FAF1: variants seen among roughly 807,000 people sequenced by gnomAD.
The protein encoded by FAF1 is Fas associated factor 1.
In FAF1, 25 loss-of-function variants were observed where a neutral mutation model predicts 92.5. The observed-to-expected ratio is 0.27, with a 90% CI of 0.20 to 0.38. The LOEUF is 0.38. Among genes scored for constraint, FAF1 ranks in the 10% least tolerant of loss-of-function variants. The pLI is 1.00. For missense variants in FAF1, 636 were observed against 793.3 expected, an observed-to-expected ratio of 0.80 and a Z score of 2.38; for synonymous variants, 234 against 273.2, an observed-to-expected ratio of 0.86 and a Z score of 1.42.
intron 4 of FAF1, among the ~76,000 whole-genome samples, chr1:50,781,683 A>G (rs1254398081): frequency 6.6e-6 from 1 of 152,258 alleles, no homozygotes; most frequent in Non-Finnish European, 1.5e-5. Flanking sequence ...CTGAACATCC[A>G]TTCTATCACA....
intron 1 of FAF1, among the ~76,000 whole-genome samples, chr1:50,907,049 G>A (rs189644887): frequency 7.5e-4 from 114 of 152,212 alleles, no homozygotes; most frequent in Non-Finnish European, 1.1e-3. Context: ...CTTGAGATAC[G>A]TCCCATCAAC....
At chr1:50,888,473 T>A (rs1304314079) in intron 1 of FAF1, among the ~76,000 whole-genome samples, 5 of 152,188 alleles carry the variant, frequency 3.3e-5, no homozygotes, top group African/African-American at 7.2e-5. Context: ...AGGGAATGCT[T>A]CCAGTTTTTG....
In FAF1 at chr1:50,909,749, C is replaced by T. The variant is rs373280665; in HGVS notation, c.45+50018G>A. ...ATCAGGTCATTTAAGGTCTTCTCTA[C>T]GCTGTTTATTCTGGTTAGCCATTCG... On this transcript the variant is annotated intron_variant, in intron 1 of 18. Coordinates refer to ENST00000396153, the MANE Select transcript of FAF1 (RefSeq NM_007051.3). 1.5e-3 allele frequency among the ~76,000 whole-genome samples: 234 copies of T among 152,274 alleles called. 3 individuals are homozygous for T. The highest frequency in any genetic ancestry group is 5.5e-3 in the African/African-American group (227 of 41,558).
At chr1:50,638,262 A>G (rs1351225797) in intron 8 of FAF1, among the ~76,000 whole-genome samples, 1 of 152,084 alleles carries the variant, frequency 6.6e-6, no homozygotes, top group Non-Finnish European at 1.5e-5. Flanking sequence ...AAACAAAAAA[A>G]GTTTTATTTC....
intron 8 of FAF1, among the ~76,000 whole-genome samples, chr1:50,620,120 G>C (rs1342285591): frequency 6.6e-6 from 1 of 152,226 alleles, no homozygotes; most frequent in Non-Finnish European, 1.5e-5. Flanking sequence ...TGTTGGCCAG[G>C]TTGGTCTCGA....
chr1:50,870,714 T>C (rs1055613771), intron 1 of FAF1, among the ~76,000 whole-genome samples: 1 of 152,218 alleles, frequency 6.6e-6, no homozygotes, highest in Non-Finnish European at 1.5e-5. Flanking sequence ...ATAAATGTTG[T>C]ATGTGTCCTC....
At chr1:50,755,021 C>G (rs1207827468) in intron 4 of FAF1, among the ~76,000 whole-genome samples, 1 of 152,136 alleles carries the variant, frequency 6.6e-6, no homozygotes, top group African/African-American at 2.4e-5. Flanking sequence ...GGTGGGGACA[C>G]AGCCAAACCA....
At chr1:50,715,596 T>C (rs1658135159) in intron 6 of FAF1, among the ~76,000 whole-genome samples, 1 of 152,254 alleles carries the variant, frequency 6.6e-6, no homozygotes, top group Non-Finnish European at 1.5e-5. Flanking sequence ...AAACTTCTTT[T>C]CTCTACTCTC....
chr1:50,613,527 G>A (rs1455679813), intron 8 of FAF1, among the ~76,000 whole-genome samples: 3 of 151,944 alleles, frequency 2.0e-5, no homozygotes, highest in Admixed American at 1.3e-4. Flanking sequence ...TCAGCTCTAC[G>A]TTGTAAGACA....
At chr1:50,944,690 A>T (rs1363934283) in intron 1 of FAF1, among the ~76,000 whole-genome samples, 1 of 152,220 alleles carries the variant, frequency 6.6e-6, no homozygotes, top group Non-Finnish European at 1.5e-5. Context: ...ACCTAGAATA[A>T]TATCAATTCA....
chr1:50,910,569 T>A (rs1254921902), intron 1 of FAF1, among the ~76,000 whole-genome samples: 1 of 152,176 alleles, frequency 6.6e-6, no homozygotes, highest in Non-Finnish European at 1.5e-5. Context: ...GTTTACCTAC[T>A]CAAGCCTCAG....
intron 8 of FAF1, among the ~76,000 whole-genome samples, chr1:50,637,234 G>A (rs1394425381): frequency 1.8e-4 from 25 of 139,774 alleles, no homozygotes; most frequent in Non-Finnish European, 7.5e-5. Flanking sequence ...TCAGGAGTAC[G>A]AGACCAGCCC....
At chr1:50,923,707 T>C (rs546386352) in intron 1 of FAF1, among the ~76,000 whole-genome samples, 40 of 152,268 alleles carry the variant, frequency 2.6e-4, no homozygotes, top group African/African-American at 9.4e-4. Context: ...CTGAAATCAA[T>C]GGCACATTAA....
intron 8 of FAF1, among the ~76,000 whole-genome samples, chr1:50,601,158 A>G (rs902728003): frequency 2.4e-4 from 37 of 152,212 alleles, no homozygotes; most frequent in Admixed American, 6.5e-5. Flanking sequence ...TTTCTTCTTT[A>G]CACAATAAAC....
intron 6 of FAF1, among the ~76,000 whole-genome samples, chr1:50,721,581 T>C (rs182041723): frequency 6.6e-6 from 1 of 152,242 alleles, no homozygotes; most frequent in African/African-American, 2.4e-5. Flanking sequence ...AAAAACTTAT[T>C]TACAGGCCAC....
intron 15 of FAF1, among the ~76,000 whole-genome samples, chr1:50,519,281 A>G (rs1311063675): frequency 6.6e-6 from 1 of 151,080 alleles, no homozygotes; most frequent in Non-Finnish European, 1.5e-5. Context: ...GTGAGTCGAG[A>G]CCACGCCACT....
chr1:50,887,031 C>A (rs902091209), intron 1 of FAF1, among the ~76,000 whole-genome samples: 1 of 152,204 alleles, frequency 6.6e-6, no homozygotes, highest in African/African-American at 2.4e-5. Flanking sequence ...CAAATCCTCT[C>A]CAGCACCTGC....
intron 17 of FAF1, among the ~76,000 whole-genome samples, chr1:50,477,562 C>T (rs1646653705): frequency 6.6e-6 from 1 of 151,960 alleles, no homozygotes; most frequent in Non-Finnish European, 1.5e-5. Flanking sequence ...TGGTGTTCTG[C>T]GACAGCAATG....
chr1:50,774,828 G>T (rs1252633089), intron 4 of FAF1, among the ~76,000 whole-genome samples: 3 of 152,074 alleles, frequency 2.0e-5, no homozygotes, highest in Non-Finnish European at 4.4e-5. Context: ...TTTATAGGAG[G>T]ACAAATGCTT....
Sources: allele counts gnomAD v4.1 joint callset (sites outside exome capture counted in the v4.1 genomes callset), GRCh38; gene constraint gnomAD v4.1.1; transcripts MANE v1.5; gene names NCBI Gene and HGNC (gene_info 2026-07-23, HGNC 2026-07-21).